Variants in CASP6 observed in about 807,000 individuals in gnomAD.
CASP6 encodes caspase-6.
In CASP6, 20 loss-of-function variants were observed where a neutral mutation model predicts 31.8. The ratio of observed to expected loss-of-function variants is 0.63; its 90% CI spans 0.44 to 0.91. The LOEUF (loss-of-function observed/expected upper bound fraction) is 0.91. Among genes scored for constraint, CASP6 ranks in the 40% least tolerant of loss-of-function variants. The pLI is 0.00. For missense variants in CASP6, 328 were observed against 361.1 expected, an observed-to-expected ratio of 0.91 and a Z score of 0.74; for synonymous variants, 130 against 127.8, an observed-to-expected ratio of 1.02 and a Z score of -0.12.
the CASP6 span, among the ~76,000 whole-genome samples, chr4:109,676,420 C>A: frequency 6.6e-6 from 1 of 152,160 alleles, no homozygotes; most frequent in Non-Finnish European, 1.5e-5. Context: ...ATCTGATAAG[C>A]TCTTTGAAAT....
the CASP6 span, among the ~76,000 whole-genome samples, chr4:109,674,614 A>G: frequency 7.9e-5 from 12 of 152,270 alleles, no homozygotes; most frequent in East Asian, 2.1e-3. Flanking sequence ...CACAATTGAC[A>G]ATATATGTGC....
At chr4:109,707,480 G>A (rs772231136), upstream of CASP6, among the ~76,000 whole-genome samples, 3 of 151,248 alleles carry the variant, frequency 2.0e-5, no homozygotes, top group South Asian at 2.1e-4. Context: ...TCTGCCGCCC[G>A]GGTTCAAGCG....
upstream of CASP6, among the ~76,000 whole-genome samples, chr4:109,706,002 ATATATATAT>A (rs1200847408): frequency 1.1e-4 from 2 of 18,422 alleles, no homozygotes; most frequent in African/African-American, 2.5e-4. Flanking sequence ...AAAAAAAAAA[ATATATATAT>A]ATATATATAT....
Position 109,689,296 on chromosome 4 carries a change from A to G in CASP6, c.*34T>C. The G allele has an allele frequency of 1.3e-6, 2 of 1,595,466 alleles. No individual in the cohort carries two copies. The highest frequency in any genetic ancestry group is 1.3e-5 in the African/African-American group (1 of 74,500). ...ACGCCTGGCTGAGAAAGCCATTTTC[A>G]ATACAGAGTGTAAAATTAGATAGCC... On this transcript the variant is annotated 3_prime_UTR_variant, in exon 7 of 7. Transcript: ENST00000265164.
intron 6 of CASP6, among the ~76,000 whole-genome samples, chr4:109,690,498 A>C (rs1730013095): frequency 6.6e-6 from 1 of 151,842 alleles, no homozygotes; most frequent in Non-Finnish European, 1.5e-5. Context: ...CTTCAGCCTC[A>C]GTGACAGAGT....
upstream of CASP6, among the ~76,000 whole-genome samples, chr4:109,705,994 AAAAAAAAATAT>A (rs1337275281): frequency 1.4e-4 from 10 of 70,902 alleles, no homozygotes; most frequent in African/African-American, 7.5e-4. Context: ...AAAAAAAAAA[AAAAAAAAATAT>A]ATATATATAT....
upstream of CASP6, among the ~76,000 whole-genome samples, chr4:109,705,999 AAAATATATATATATATATAT>A (rs1730595386): frequency 2.8e-5 from 1 of 36,014 alleles, no homozygotes; most frequent in Non-Finnish European, 4.6e-5. Context: ...AAAAAAAAAA[AAAATATATATATATATATAT>A]ATATATATAT....
chr4:109,677,988 G>C, the CASP6 span, among the ~76,000 whole-genome samples: 1 of 151,678 alleles, frequency 6.6e-6, no homozygotes. Context: ...TTGTGTCCCT[G>C]GGTACTTGAG....
chr4:109,679,471 C>A, the CASP6 span, among the ~76,000 whole-genome samples: 2 of 152,134 alleles, frequency 1.3e-5, no homozygotes, highest in Admixed American at 1.3e-4. Context: ...CACGGCGAAA[C>A]CCCGTCTCCA....
the CASP6 span, among the ~76,000 whole-genome samples, chr4:109,674,808 AAT>A: frequency 6.6e-6 from 1 of 152,256 alleles, no homozygotes; most frequent in South Asian, 2.1e-4. Context: ...TTGAAATAGA[AAT>A]ATGTATTTTA....
downstream of CASP6, among the ~76,000 whole-genome samples, chr4:109,687,201 C>CA (rs996455231): frequency 6.6e-6 from 1 of 151,632 alleles, no homozygotes; most frequent in Non-Finnish European, 1.5e-5. Context: ...CAAAAAATAC[C>CA]AAAAAATATT....
the CASP6 span, among the ~76,000 whole-genome samples, chr4:109,668,637 A>G: frequency 6.6e-6 from 1 of 150,976 alleles, no homozygotes; most frequent in African/African-American, 2.4e-5. Flanking sequence ...TGACATTCAA[A>G]TTGATTACTG....
At chr4:109,674,769 ATATAT>A in the CASP6 span, among the ~76,000 whole-genome samples, 1 of 152,254 alleles carries the variant, frequency 6.6e-6, no homozygotes, top group Non-Finnish European at 1.5e-5. Flanking sequence ...TTTGCTGCTG[ATATAT>A]TAGAATAATT....
chr4:109,689,630 C>G (rs573158505), intron 6 of CASP6, 62 bp from the exon 7 acceptor site: 1 of 1,404,904 alleles, frequency 7.1e-7, no homozygotes, highest in Non-Finnish European at 1.0e-6. Flanking sequence ...TGTGTGTATT[C>G]TTTTTAGTTA....
At chr4:109,708,668 G>A in the CASP6 span, among the ~76,000 whole-genome samples, 1 of 152,184 alleles carries the variant, frequency 6.6e-6, no homozygotes, top group African/African-American at 2.4e-5. Flanking sequence ...TCTGAAAAGA[G>A]CAGATGGAAG....
At chr4:109,669,024 G>A in the CASP6 span, among the ~76,000 whole-genome samples, 1 of 151,994 alleles carries the variant, frequency 6.6e-6, no homozygotes, top group East Asian at 1.9e-4. Context: ...CAAAACCAGT[G>A]TTAGCATTAT....
the CASP6 span, among the ~76,000 whole-genome samples, chr4:109,680,052 T>C: frequency 1.3e-5 from 2 of 152,218 alleles, no homozygotes; most frequent in Non-Finnish European, 2.9e-5. Context: ...TCCACCCACC[T>C]TGGCCTCCCA....
At chr4:109,701,558 G>T (rs1185730676) in intron 1 of CASP6, among the ~76,000 whole-genome samples, 2 of 152,084 alleles carry the variant, frequency 1.3e-5, no homozygotes, top group African/African-American at 4.8e-5. Context: ...CTCCCCAGTA[G>T]CTGGGACTAG....
the CASP6 span, among the ~76,000 whole-genome samples, chr4:109,709,671 T>A: frequency 3.3e-5 from 5 of 152,214 alleles, no homozygotes; most frequent in Non-Finnish European, 1.5e-5. Context: ...GTGGAACTTA[T>A]TAAAACTGAA....
Sources: allele counts gnomAD v4.1 joint callset (sites outside exome capture counted in the v4.1 genomes callset), GRCh38; gene constraint gnomAD v4.1.1; transcripts MANE v1.5; gene names NCBI Gene and HGNC (gene_info 2026-07-23, HGNC 2026-07-21).